Variants in MAP2K6 observed in about 807,000 individuals in gnomAD.
MAP2K6 encodes mitogen-activated protein kinase kinase 6, also known as dual specificity mitogen-activated protein kinase kinase 6.
Under a neutral mutation model 53.7 loss-of-function variants are expected in MAP2K6, and 16 were observed. The observed-to-expected ratio is 0.30, with a 90% confidence interval of 0.20 to 0.45. The LOEUF is 0.45. MAP2K6 is among the 20% of genes least tolerant of loss of function. The pLI, the probability that MAP2K6 is intolerant of heterozygous loss-of-function variation, is 1.00. For synonymous variants in MAP2K6, 132 were observed against 143.1 expected, an observed-to-expected ratio of 0.92 and a Z score of 0.55; for missense variants, 204 against 411.9, an observed-to-expected ratio of 0.50 and a Z score of 4.37.
At chr17:69,497,202 C>A (rs1908986121) in intron 1 of MAP2K6, among the ~76,000 whole-genome samples, 1 of 152,146 alleles carries the variant, frequency 6.6e-6, no homozygotes, top group Non-Finnish European at 1.5e-5. Context: ...AAAGGGCTTG[C>A]ATTTTTAGTG....
At chr17:69,490,950 A>G (rs1227326397) in intron 1 of MAP2K6, among the ~76,000 whole-genome samples, 1 of 151,756 alleles carries the variant, frequency 6.6e-6, no homozygotes. Flanking sequence ...TCTCATTTAT[A>G]TAAGTGAGAA....
intron 1 of MAP2K6, among the ~76,000 whole-genome samples, chr17:69,457,587 C>A (rs989065091): frequency 7.2e-5 from 11 of 152,178 alleles, no homozygotes; most frequent in Non-Finnish European, 1.5e-5. Flanking sequence ...CACCTGTAAT[C>A]CCAGTTCTCT....
At position 69,545,755 on chromosome 17, in the gene MAP2K6, T is replaced by A. The variant is rs1911851898; in HGVS notation, c.*4002T>A. On this transcript the variant is annotated 3_prime_UTR_variant, in exon 12 of 12. Transcript: ENST00000590474. ...TCCAGCATTGGCTGAGCATGGTGAC[T>A]CACGCCTGTAATCCCAGCACTTTGG... is the stretch of plus-strand genomic sequence containing the variant. 6.6e-6 allele frequency: 1 copy of A among 152,286 alleles called. No homozygotes were observed. The highest frequency in any genetic ancestry group is 1.5e-5 in the Non-Finnish European group (1 of 68,110). 9.4% of individuals were successfully genotyped at this position (152,286 alleles called of 1,614,324 possible).
chr17:69,505,659 G>A (rs557034578), intron 1 of MAP2K6, 121 bp from the exon 2 acceptor site: 158 of 769,608 alleles, frequency 2.1e-4, no homozygotes, highest in South Asian at 1.7e-3. Context: ...AGGAAGTGGC[G>A]CTTTGAATGG....
At chr17:69,496,191 A>G (rs1422827494) in intron 1 of MAP2K6, among the ~76,000 whole-genome samples, 2 of 151,768 alleles carry the variant, frequency 1.3e-5, no homozygotes, top group African/African-American at 2.4e-5. Flanking sequence ...AGGCTGGCTC[A>G]TTCTTCTTTG....
At chr17:69,513,237 T>A (rs1909961193) in intron 2 of MAP2K6, among the ~76,000 whole-genome samples, 1 of 152,188 alleles carries the variant, frequency 6.6e-6, no homozygotes, top group Non-Finnish European at 1.5e-5. Flanking sequence ...ACAGGCGAAT[T>A]GATTATTTTC....
chr17:69,520,792 G>A (rs1034576061), intron 6 of MAP2K6: 6 of 422,168 alleles, frequency 1.4e-5, no homozygotes, highest in Non-Finnish European at 2.1e-5. Flanking sequence ...GCTCAGGAGG[G>A]TGGAGAGAAA....
chr17:69,490,529 T>C (rs1368223597), intron 1 of MAP2K6, among the ~76,000 whole-genome samples: 1 of 152,116 alleles, frequency 6.6e-6, no homozygotes, highest in Non-Finnish European at 1.5e-5. Context: ...AAGCAAGAAA[T>C]ACATTTGTTA....
At chr17:69,524,178 A>T (rs1910640589) in intron 8 of MAP2K6, among the ~76,000 whole-genome samples, 1 of 152,050 alleles carries the variant, frequency 6.6e-6, no homozygotes. Context: ...GCACAGACAT[A>T]GTTATATATA....
intron 11 of MAP2K6, among the ~76,000 whole-genome samples, chr17:69,540,784 A>G (rs1027176560): frequency 2.6e-5 from 4 of 152,120 alleles, no homozygotes; most frequent in African/African-American, 9.7e-5. Context: ...AGTCTACATT[A>G]TTTTTCAGAT....
rs556146846 is a variant in MAP2K6 at position 69,549,027 on chromosome 17, G to A, written c.*7274G>A. The A allele has an allele frequency of 3.3e-5, 5 of 152,264 alleles. No homozygotes were observed. In the South Asian group the frequency reaches 8.3e-4, roughly 25 times the overall value. The allele number at this position is 152,264 out of a possible 1,614,324, so 9.4% of individuals were successfully genotyped here. On this transcript the variant is annotated 3_prime_UTR_variant, in exon 12 of 12. Coordinates refer to ENST00000590474, the MANE Select transcript of MAP2K6 (RefSeq NM_002758.4). Reference sequence around the variant, plus strand: ...CAGTATCATCTTGTAACACAAACACGTGTTAATAGAACTTAAAAATACTCA... The same window carrying A: ...CAGTATCATCTTGTAACACAAACACATGTTAATAGAACTTAAAAATACTCA...
chr17:69,526,782 G>A (rs1910796188), intron 10 of MAP2K6, 73 bp downstream of exon 10: 2 of 1,528,372 alleles, frequency 1.3e-6, no homozygotes, highest in South Asian at 1.2e-5. Context: ...TTCCATCGGG[G>A]TTGAATCCAT....
intron 10 of MAP2K6, among the ~76,000 whole-genome samples, chr17:69,530,716 A>G (rs763447216): frequency 5.3e-5 from 8 of 152,246 alleles, no homozygotes; most frequent in Non-Finnish European, 1.0e-4. Flanking sequence ...GGGTTGAAAA[A>G]GTCATCTTAT....
In MAP2K6 at chr17:69,543,565, C is replaced by G. The variant is rs116445906; in HGVS notation, c.*1812C>G. ...TCACCCTAGTGATTATGGCTGTTCACTTTCCCATCTATCTTCCTAAATCTG... is the reference window on the plus strand; with the variant it reads ...TCACCCTAGTGATTATGGCTGTTCAGTTTCCCATCTATCTTCCTAAATCTG... On this transcript the variant is annotated 3_prime_UTR_variant, in exon 12 of 12. Coordinates refer to ENST00000590474, the MANE Select transcript of MAP2K6 (RefSeq NM_002758.4). The G allele has an allele frequency of 6.6e-6, 1 of 152,146 alleles. No individual in the cohort carries two copies. Among genetic ancestry groups the G allele is most frequent in the Non-Finnish European group, 1.5e-5 (1 of 68,030 alleles). The allele number at this position is 152,146 out of a possible 1,614,324, so 9.4% of individuals were successfully genotyped here.
intron 8 of MAP2K6, 90 bp from the exon 9 acceptor site, chr17:69,524,811 C>A: frequency 1.1e-6 from 1 of 919,340 alleles, no homozygotes; most frequent in Admixed American, 1.9e-5. Flanking sequence ...CACTTGGCAG[C>A]TGGTGCTACC....
At chr17:69,508,286 C>T (rs1234219359) in intron 2 of MAP2K6, among the ~76,000 whole-genome samples, 4 of 151,378 alleles carry the variant, frequency 2.6e-5, no homozygotes, top group Admixed American at 2.0e-4. Flanking sequence ...CTGCTGGTCT[C>T]GAACTCCTGA....
intron 7 of MAP2K6, chr17:69,521,824 A>AAAAAC (rs1910497216): frequency 1.3e-5 from 2 of 149,412 alleles, no homozygotes; most frequent in African/African-American, 5.0e-5. Context: ...AAAAAAAAAA[A>AAAAAC]AAAAAAAAAC....
intron 1 of MAP2K6, among the ~76,000 whole-genome samples, chr17:69,445,127 G>C (rs1019924830): frequency 6.6e-6 from 1 of 152,116 alleles, no homozygotes; most frequent in Admixed American, 6.5e-5. Flanking sequence ...CACCGTGGTG[G>C]CCAGGCTGGT....
rs33993512 is a variant in MAP2K6, at chr17:69,505,442, C to CAA, written c.17-317_17-316dup. ...TGGGTGACAGAGTGAGACTCTGTCT[C>CAA]AAAAAAAAAAAAAAAAAAAAAAGTT... On this transcript the variant is annotated intron_variant, in intron 1 of 11. Coordinates refer to ENST00000590474, the MANE Select transcript of MAP2K6 (RefSeq NM_002758.4). The CAA allele has an allele frequency of 5.2e-3, 600 of 115,596 alleles. 6 individuals are homozygous for CAA. The highest frequency in any genetic ancestry group is 0.016 in the African/African-American group (385 of 23,428). The allele number at this position is 115,596 out of a possible 1,614,324, so 7.2% of individuals were successfully genotyped here.
Sources: gnomAD v4.1 joint callset for allele counts (sites outside exome capture counted in the v4.1 genomes callset) on GRCh38, gnomAD v4.1.1 for gene constraint, MANE v1.5 for transcripts, NCBI Gene and HGNC (gene_info 2026-07-23, HGNC 2026-07-21) for gene names.